Variants in DNAH11 observed in about 807,000 individuals in gnomAD.
The protein encoded by DNAH11 is dynein axonemal heavy chain 11, also known as axonemal beta dynein heavy chain 11.
In DNAH11, 442 loss-of-function variants were observed where a neutral mutation model predicts 526.0. The ratio of observed to expected loss-of-function variants is 0.84; its 90% confidence interval spans 0.78 to 0.91. The LOEUF (loss-of-function observed/expected upper bound fraction) is 0.91, where lower values mean the gene tolerates loss of function less well. Ranked by LOEUF, DNAH11 falls within the 40% of genes least tolerant of loss-of-function variation. The pLI, the probability that DNAH11 is intolerant of heterozygous loss-of-function variation, is 0.00. For synonymous variants in DNAH11, 2,461 were observed against 1,935.9 expected, an observed-to-expected ratio of 1.27 and a Z score of -7.12; for missense variants, 6,989 against 5,448.7, an observed-to-expected ratio of 1.28 and a Z score of -8.90.
intron 25 of DNAH11, among the ~76,000 whole-genome samples, chr7:21,628,152 G>T (rs10242110): frequency 0.44 from 67,327 of 151,578 alleles, 15,334 homozygotes; most frequent in East Asian, 0.6. Flanking sequence ...TCTGCAACTT[G>T]CGTAAACTTG....
rs536039956 is a variant in DNAH11 at position 21,635,807 on chromosome 7, C to G, written c.4501-64C>G. On this transcript the variant is annotated intron_variant, in intron 25 of 81. Coordinates refer to ENST00000409508, the MANE Select transcript of DNAH11 (RefSeq NM_001277115.2). ...AATAAACAGAGTAGATATAGTGCCT[C>G]CCTCATAGCACTCACATTCTACTAA... 11 of 1,324,208 alleles carry G rather than the reference C, an allele frequency of 8.3e-6. No individual in the cohort carries two copies. In the South Asian group the frequency reaches 1.1e-4, roughly 14 times the overall value. The allele number at this position is 1,324,208 out of a possible 1,614,324, so 82.0% of individuals were successfully genotyped here.
At chr7:21,749,634 C>A (rs149348195) in intron 52 of DNAH11, 44 bp from the exon 53 acceptor site, 1 of 1,609,898 alleles carries the variant, frequency 6.2e-7, no homozygotes, top group Non-Finnish European at 8.5e-7. Context: ...CTCAACGCCG[C>A]ATCAGCATTT....
In DNAH11 at chr7:21,773,093, A is replaced by T. The variant is rs1190690872; in HGVS notation, c.9103-673A>T. 3.5e-5 allele frequency among the ~76,000 whole-genome samples: 5 copies of T among 142,302 alleles called. No individual in the cohort carries two copies. The East Asian group carries it at 1.0e-3, about 28-fold the overall frequency. The allele number at this position is 142,302 out of a possible 152,430, so 93.4% of individuals were successfully genotyped here. On this transcript the variant is annotated intron_variant, in intron 55 of 81. Coordinates refer to ENST00000409508, the MANE Select transcript of DNAH11 (RefSeq NM_001277115.2). ...CAATAAATAATCATTAAAATGAGGG[A>T]GATGTGACTCTGCAAATTAAAAAGT... is the stretch of plus-strand genomic sequence containing the variant.
chr7:21,679,383 C>A (rs904693824), intron 30 of DNAH11, among the ~76,000 whole-genome samples: 5 of 152,086 alleles, frequency 3.3e-5, no homozygotes, highest in African/African-American at 9.7e-5. Flanking sequence ...GAGTAAATAT[C>A]AAGTATTTTC....
chr7:21,577,256 C>G (rs954316760), intron 8 of DNAH11, among the ~76,000 whole-genome samples: 2 of 152,232 alleles, frequency 1.3e-5, no homozygotes, highest in East Asian at 1.9e-4. Context: ...ACTGTCCACT[C>G]TAGCCAAACA....
At chr7:21,825,959 C>CAA (rs56255077) in intron 65 of DNAH11, among the ~76,000 whole-genome samples, 8 of 68,284 alleles carry the variant, frequency 1.2e-4, no homozygotes, top group African/African-American at 1.0e-4. Flanking sequence ...ACTCTGTCTC[C>CAA]AAAAAAAAAA....
chr7:21,823,946 T>C (rs1790163439), intron 65 of DNAH11, among the ~76,000 whole-genome samples: 1 of 152,190 alleles, frequency 6.6e-6, no homozygotes, highest in East Asian at 1.9e-4. Context: ...TTTGATGATG[T>C]ACAAAGCTTG....
chr7:21,799,436 C>G (rs1788868751), intron 61 of DNAH11, among the ~76,000 whole-genome samples: 1 of 152,046 alleles, frequency 6.6e-6, no homozygotes, highest in South Asian at 2.1e-4. Flanking sequence ...CTTCCAGGTT[C>G]AAGCAATTCT....
chr7:21,892,221 G>A (rs183169831), intron 76 of DNAH11, among the ~76,000 whole-genome samples: 37 of 152,260 alleles, frequency 2.4e-4, no homozygotes, highest in Middle Eastern at 3.4e-3. Flanking sequence ...TAGGATTAAT[G>A]TGTGTTCCTT....
At chr7:21,791,214 C>T (rs1252555215) in intron 61 of DNAH11, among the ~76,000 whole-genome samples, 1 of 152,198 alleles carries the variant, frequency 6.6e-6, no homozygotes, top group Non-Finnish European at 1.5e-5. Flanking sequence ...GCTTCAGTTT[C>T]TCATCTGTCA....
chr7:21,901,381 C>A lies in DNAH11; in HGVS notation c.*127C>A. On this transcript the variant is annotated 3_prime_UTR_variant, in exon 82 of 82. Transcript: ENST00000409508. ...TCACACGTGCATTCTTTTTTCAACG[C>A]TATCCTTAGAGTGAAAGTCAGAAAA... 2 of 1,297,498 alleles carry A rather than the reference C, an allele frequency of 1.5e-6. No homozygotes were observed. The highest frequency in any genetic ancestry group is 2.0e-6 in the Non-Finnish European group (2 of 998,916). The allele number at this position is 1,297,498 out of a possible 1,614,324, so 80.4% of individuals were successfully genotyped here. A position where few individuals can be genotyped will look rare whatever the true frequency, so the allele number is the denominator to read the frequency against.
intron 54 of DNAH11, among the ~76,000 whole-genome samples, chr7:21,754,196 G>A (rs1334283737): frequency 6.6e-6 from 1 of 152,002 alleles, no homozygotes; most frequent in African/African-American, 2.4e-5. Flanking sequence ...TACTTTAATG[G>A]GGATGTGTCT....
chr7:21,613,843 C>T (rs1324989467), intron 20 of DNAH11, among the ~76,000 whole-genome samples: 1 of 152,154 alleles, frequency 6.6e-6, no homozygotes, highest in Non-Finnish European at 1.5e-5. Flanking sequence ...CTCAGTGCAG[C>T]CTCAACCTTC....
chr7:21,796,267 C>T (rs1324781533), intron 61 of DNAH11, among the ~76,000 whole-genome samples: 1 of 152,204 alleles, frequency 6.6e-6, no homozygotes, highest in African/African-American at 2.4e-5. Context: ...GCAGAATAAA[C>T]TAGCCCCAGT....
At chr7:21,778,742 TG>T (rs1787794182) in intron 56 of DNAH11, among the ~76,000 whole-genome samples, 1 of 152,170 alleles carries the variant, frequency 6.6e-6, no homozygotes, top group African/African-American at 2.4e-5. Context: ...TTATATTTCC[TG>T]CAAAATCATT....
chr7:21,711,690 G>A (rs559291407), intron 41 of DNAH11, 22 bp from the exon 42 acceptor site: 14 of 1,604,426 alleles, frequency 8.7e-6, no homozygotes, highest in South Asian at 2.2e-5. Flanking sequence ...GCCCATGGGT[G>A]ACAGTGTGCT....
chr7:21,704,227 G>A (rs1010909589), intron 37 of DNAH11, among the ~76,000 whole-genome samples: 5 of 152,166 alleles, frequency 3.3e-5, no homozygotes, highest in African/African-American at 1.2e-4. Context: ...TCTAAGGATT[G>A]TTCATTGTAT....
intron 2 of DNAH11, among the ~76,000 whole-genome samples, chr7:21,556,494 G>A (rs1207618670): frequency 5.3e-5 from 8 of 152,164 alleles, no homozygotes; most frequent in African/African-American, 1.4e-4. Context: ...GGTAATGCAT[G>A]TTCAGCCCAA....
rs762879167 is a variant in DNAH11, at chr7:21,615,178, T to A, written c.3917T>A (p.Phe1306Tyr). 6.2e-7 allele frequency: 1 copy of A among 1,613,236 alleles called. No homozygotes were observed. Among genetic ancestry groups the A allele is most frequent in the Non-Finnish European group, 8.5e-7 (1 of 1,179,520 alleles). ...MLQMQESTRL[F>Y]EVALPEYKQM... ...CAGATGCAAGAATCTACTCGTCTTT[T>A]TGAAGTGGCTCTTCCAGAGTACAAA... The change falls in exon 21 of 82, where the codon TTT (phenylalanine) becomes TAT (tyrosine). Residue 1306 changes from phenylalanine (F) to tyrosine (Y), a missense_variant. Transcript: ENST00000409508.
Sources: allele counts gnomAD v4.1 joint callset (sites outside exome capture counted in the v4.1 genomes callset), GRCh38; gene constraint gnomAD v4.1.1; transcripts MANE v1.5; gene names NCBI Gene and HGNC (gene_info 2026-07-23, HGNC 2026-07-21).